The following RALYL variants were observed in gnomAD, a reference collection of about 807,000 sequenced individuals.
The protein encoded by RALYL is RALY RNA binding protein like, also known as RNA-binding Raly-like protein.
A neutral mutation model predicts 35.1 loss-of-function variants in RALYL; 29 were observed. The observed-to-expected ratio is 0.83, with a 90% CI of 0.61 to 1.13. The LOEUF (loss-of-function observed/expected upper bound fraction) is 1.13, where lower values mean the gene tolerates loss of function less well. RALYL is among the 50% of genes most tolerant of loss of function. The pLI, the probability that RALYL is intolerant of heterozygous loss-of-function variation, is 0.00. For missense variants in RALYL, 359 were observed against 360.4 expected (o/e 1.00, Z 0.03); for synonymous variants, 120 against 127.6 (o/e 0.94, Z 0.40).
chr8:84,509,557 C>T (rs2057437597), intron 1 of RALYL, among the ~76,000 whole-genome samples: 1 of 152,070 alleles, frequency 6.6e-6, no homozygotes. Flanking sequence ...TTTCCTGGAT[C>T]GTGCCATTGG....
At chr8:84,553,576 G>A (rs934064930) in intron 2 of RALYL, among the ~76,000 whole-genome samples, 3 of 152,166 alleles carry the variant, frequency 2.0e-5, no homozygotes, top group African/African-American at 7.2e-5. Flanking sequence ...AACGAGACAT[G>A]TTTTGGGGAC....
Position 84,274,374 on chromosome 8 carries a change from C to T in RALYL, c.-24+89950C>T, listed in dbSNP as rs575742688. The stretch of plus-strand genomic sequence containing the variant: ...TCAAGAGATAAAATACACTAATATT[C>T]GCTCTGGTTAACTTCAGGAAGCTGA... On this transcript the variant is annotated intron_variant, in intron 1 of 8. Coordinates refer to ENST00000521268, the MANE Select transcript of RALYL (RefSeq NM_173848.7). Among the ~76,000 whole-genome samples the T allele has an allele frequency of 6.6e-5, 10 of 152,158 alleles. No individual in the cohort carries two copies. The East Asian group carries it at 1.4e-3, about 21-fold the overall frequency.
At chr8:84,695,310 A>C (rs1238395916) in intron 2 of RALYL, among the ~76,000 whole-genome samples, 1 of 151,788 alleles carries the variant, frequency 6.6e-6, no homozygotes, top group Admixed American at 6.6e-5. Flanking sequence ...CTAAGACATA[A>C]GTAATTTATT....
At chr8:84,430,473 C>T (rs998637788) in intron 1 of RALYL, among the ~76,000 whole-genome samples, 3 of 152,040 alleles carry the variant, frequency 2.0e-5, no homozygotes, top group Non-Finnish European at 4.4e-5. Flanking sequence ...GAAAGTCACT[C>T]ACAAAGTGGC....
At chr8:84,728,181 T>A (rs944460763) in intron 2 of RALYL, among the ~76,000 whole-genome samples, 1 of 151,740 alleles carries the variant, frequency 6.6e-6, no homozygotes, top group African/African-American at 2.4e-5. Flanking sequence ...TGGTGTGAGA[T>A]GGTATCTCAC....
intron 1 of RALYL, among the ~76,000 whole-genome samples, chr8:84,194,125 A>C (rs1252367267): frequency 2.1e-4 from 32 of 152,224 alleles, no homozygotes; most frequent in Non-Finnish European, 2.1e-4. Context: ...AATAAATTTT[A>C]GAGTATGGTA....
intron 6 of RALYL, among the ~76,000 whole-genome samples, chr8:84,870,659 G>C (rs1421800347): frequency 6.6e-6 from 1 of 151,916 alleles, no homozygotes; most frequent in African/African-American, 2.4e-5. Context: ...CACTGTGCAG[G>C]AGAGAAGTTG....
rs567593631 is a variant in RALYL, at chr8:84,914,371, C to T, written c.859-6523C>T. On this transcript the variant is annotated intron_variant, in intron 8 of 8. Transcript: ENST00000521268. ...ATAATTAGTATGAAAAATCAAAAAT[C>T]GATGCATGATCAAACATAAATTATG... 1.2e-4 allele frequency among the ~76,000 whole-genome samples: 18 copies of T among 152,018 alleles called. No homozygotes were observed. In the South Asian group the frequency reaches 1.7e-3, roughly 14 times the overall value.
intron 2 of RALYL, among the ~76,000 whole-genome samples, chr8:84,651,855 GAAAGA>G (rs375643304): frequency 5.3e-5 from 8 of 151,980 alleles, no homozygotes; most frequent in African/African-American, 1.9e-4. Context: ...TAAAGCCTGT[GAAAGA>G]AAAGAGCAGA....
chr8:84,547,538 C>A (rs2060444792), intron 2 of RALYL, among the ~76,000 whole-genome samples: 1 of 151,960 alleles, frequency 6.6e-6, no homozygotes, highest in Non-Finnish European at 1.5e-5. Flanking sequence ...TGCTACCACG[C>A]CCGTCTAATC....
intron 1 of RALYL, among the ~76,000 whole-genome samples, chr8:84,325,957 A>G (rs1845714101): frequency 6.6e-6 from 1 of 152,060 alleles, no homozygotes; most frequent in Non-Finnish European, 1.5e-5. Flanking sequence ...CCAGAAATAT[A>G]AAAACTTAGC....
intron 3 of RALYL, among the ~76,000 whole-genome samples, chr8:84,786,202 C>T (rs1449941257): frequency 6.6e-6 from 1 of 152,134 alleles, no homozygotes; most frequent in Admixed American, 6.6e-5. Flanking sequence ...TATACGTATA[C>T]CACATTTCTT....
intron 1 of RALYL, among the ~76,000 whole-genome samples, chr8:84,235,767 C>CTTTTTTTTTTTTTTTTTT (rs556495836): frequency 2.4e-4 from 31 of 126,910 alleles, no homozygotes; most frequent in Non-Finnish European, 3.1e-4. Context: ...TTTTCTTTTT[C>CTTTTTTTTTTTTTTTTTT]TTTTTTTTTT....
At chr8:84,570,781 G>A (rs1168806808) in intron 2 of RALYL, among the ~76,000 whole-genome samples, 1 of 151,702 alleles carries the variant, frequency 6.6e-6, no homozygotes, top group South Asian at 2.1e-4. Context: ...TTTTTTGTGG[G>A]TTTTGTATCA....
At chr8:84,256,090 G>T (rs1831159417) in intron 1 of RALYL, among the ~76,000 whole-genome samples, 1 of 152,132 alleles carries the variant, frequency 6.6e-6, no homozygotes, top group South Asian at 2.1e-4. Flanking sequence ...ATGTCTGATT[G>T]CTGGTGAAGG....
chr8:84,766,530 A>AAAATAAAT (rs10695999), intron 2 of RALYL, among the ~76,000 whole-genome samples: 25,664 of 124,706 alleles, frequency 0.21, 2,958 homozygotes, highest in East Asian at 0.36. Context: ...CATCTCTACT[A>AAAATAAAT]AAATAAATAA....
chr8:84,425,523 G>T (rs1015043199), intron 1 of RALYL, among the ~76,000 whole-genome samples: 1 of 152,150 alleles, frequency 6.6e-6, no homozygotes, highest in Non-Finnish European at 1.5e-5. Context: ...CGTCGCTCAC[G>T]CTGGGAGCTG....
At chr8:84,760,279 A>G (rs1245573040) in intron 2 of RALYL, among the ~76,000 whole-genome samples, 1 of 152,126 alleles carries the variant, frequency 6.6e-6, no homozygotes, top group East Asian at 1.9e-4. Context: ...GGAACAGAGC[A>G]TGGTGGTAAA....
intron 1 of RALYL, among the ~76,000 whole-genome samples, chr8:84,507,077 C>T (rs994445317): frequency 6.6e-6 from 1 of 151,974 alleles, no homozygotes; most frequent in Non-Finnish European, 1.5e-5. Context: ...GGTAAATTGA[C>T]AATAGTAGAG....
Sources: allele counts gnomAD v4.1 joint callset (sites outside exome capture counted in the v4.1 genomes callset), GRCh38; gene constraint gnomAD v4.1.1; transcripts MANE v1.5; gene names NCBI Gene and HGNC (gene_info 2026-07-23, HGNC 2026-07-21).